The following MAPK4 variants were observed in gnomAD, a reference collection of about 807,000 sequenced individuals.
MAPK4 encodes the protein Erk3-related.
Under a neutral mutation model 47.7 loss-of-function variants are expected in MAPK4, and 22 were observed. The ratio of observed to expected loss-of-function variants is 0.46; its 90% CI spans 0.33 to 0.66. The LOEUF is 0.66. MAPK4 is among the 30% of genes least tolerant of loss of function. MAPK4 has a pLI of 0.02. For synonymous variants in MAPK4, 390 were observed against 365.7 expected (o/e 1.07, Z -0.76); for missense variants, 736 against 831.7 (o/e 0.88, Z 1.42).
rs11356183 is a variant in MAPK4 at position 50,719,083 on chromosome 18, C to CAA, written c.692-2839_692-2838dup. ...TGGGCGACAGAGCAAGACTCCACCTCAAAAAAAAAAAAAAAAAGGTAAAAT... is the reference window on the plus strand; with the variant it reads ...TGGGCGACAGAGCAAGACTCCACCTCAAAAAAAAAAAAAAAAAAAGGTAAAAT... On this transcript the variant is annotated intron_variant, in intron 3 of 5. Coordinates refer to ENST00000400384, the MANE Select transcript of MAPK4 (RefSeq NM_002747.4). Among the ~76,000 whole-genome samples the CAA allele has an allele frequency of 6.9e-3, 856 of 123,992 alleles. 10 individuals are homozygous for CAA. The highest frequency in any genetic ancestry group is 0.02 in the African/African-American group (633 of 31,966). The allele number at this position is 123,992 out of a possible 152,430, so 81.3% of individuals were successfully genotyped here.
intron 2 of MAPK4, among the ~76,000 whole-genome samples, chr18:50,687,695 C>T (rs1203850400): frequency 6.6e-6 from 1 of 151,772 alleles, no homozygotes; most frequent in African/African-American, 2.4e-5. Flanking sequence ...GGTGTGACCT[C>T]GCCTGGCAAC....
intron 2 of MAPK4, among the ~76,000 whole-genome samples, chr18:50,698,985 A>G (rs1467026445): frequency 6.6e-6 from 1 of 152,184 alleles, no homozygotes; most frequent in African/African-American, 2.4e-5. Flanking sequence ...AGATCGTGCC[A>G]CTGCACTCCA....
chr18:50,681,035 A>G (rs1908557097), intron 2 of MAPK4, among the ~76,000 whole-genome samples: 1 of 152,018 alleles, frequency 6.6e-6, no homozygotes, highest in Admixed American at 6.5e-5. Context: ...TCCCACTAGC[A>G]ATGTATAAGG....
rs561968264 is a variant in MAPK4 at position 50,709,607 on chromosome 18, T to C, written c.547-5472T>C. The stretch of plus-strand genomic sequence containing the variant: ...TTGGAGGACTCCAAGTCGGCAGCTC[T>C]GAGTGGTCTGCACATTCACAAGCAC... On this transcript the variant is annotated intron_variant, in intron 2 of 5. Transcript: ENST00000400384. Among the ~76,000 whole-genome samples the C allele has an allele frequency of 2.0e-5, 3 of 152,346 alleles. No individual in the cohort carries two copies. The East Asian group carries it at 5.8e-4, about 29-fold the overall frequency.
chr18:50,666,042 T>C (rs1295543348), intron 2 of MAPK4, among the ~76,000 whole-genome samples: 1 of 152,208 alleles, frequency 6.6e-6, no homozygotes, highest in Non-Finnish European at 1.5e-5. Context: ...AAGACTCTTA[T>C]ATGTGGGATG....
At chr18:50,619,811 A>T (rs1010958805) in intron 1 of MAPK4, among the ~76,000 whole-genome samples, 1 of 152,234 alleles carries the variant, frequency 6.6e-6, no homozygotes, top group African/African-American at 2.4e-5. Flanking sequence ...ACCAAAGCTA[A>T]GCCAAATTGA....
At chr18:50,621,195 TC>T (rs1427711431) in intron 1 of MAPK4, among the ~76,000 whole-genome samples, 1 of 152,154 alleles carries the variant, frequency 6.6e-6, no homozygotes, top group African/African-American at 2.4e-5. Context: ...ATCTTCTGAC[TC>T]CAAAACATAT....
rs115322165 is a variant in MAPK4 at position 50,673,004 on chromosome 18, T to C, written c.546+8500T>C. 9.6e-3 allele frequency among the ~76,000 whole-genome samples: 1,459 copies of C among 152,280 alleles called. 27 individuals carry two copies. The highest frequency in any genetic ancestry group is 0.034 in the African/African-American group (1,401 of 41,558). On this transcript the variant is annotated intron_variant, in intron 2 of 5. Coordinates refer to ENST00000400384, the MANE Select transcript of MAPK4 (RefSeq NM_002747.4). ...ATTAAATGGCTCAAAGTGCTGGGCATAGTGGCTCACGCCTGTAATCCCAAC... is the reference window on the plus strand; with the variant it reads ...ATTAAATGGCTCAAAGTGCTGGGCACAGTGGCTCACGCCTGTAATCCCAAC...
chr18:50,600,135 T>G (rs4432342), intron 1 of MAPK4, among the ~76,000 whole-genome samples: 1 of 152,020 alleles, frequency 6.6e-6, no homozygotes, highest in Admixed American at 6.5e-5. Flanking sequence ...TGTATATGCA[T>G]CTATGCTTCA....
chr18:50,701,152 TA>T lies in MAPK4; in HGVS notation c.547-13924del, dbSNP rs1339582250. On this transcript the variant is annotated intron_variant, in intron 2 of 5. Coordinates refer to ENST00000400384, the MANE Select transcript of MAPK4 (RefSeq NM_002747.4). ...AGAATATGTTTCTGCTTTCCAAGCTTAAATTCTAACAAGACACCCCCACCCC... is the reference window on the plus strand; with the variant it reads ...AGAATATGTTTCTGCTTTCCAAGCTTAATTCTAACAAGACACCCCCACCCC... 9.2e-5 allele frequency among the ~76,000 whole-genome samples: 14 copies of T among 152,196 alleles called. No individual in the cohort carries two copies. In the South Asian group the frequency reaches 2.7e-3, roughly 29 times the overall value.
chr18:50,664,125 C>A lies in MAPK4; in HGVS notation c.167C>A (p.Ala56Asp), dbSNP rs565759866. Reference sequence around the variant, plus strand: ...GTGAAGAAGATTGCCCTGAGCGATGCCCGCAGCATGAAGCACGCGCTCCGA... The same window carrying A: ...GTGAAGAAGATTGCCCTGAGCGATGACCGCAGCATGAAGCACGCGCTCCGA... The part of the protein sequence containing the change: ...VAVKKIALSD[A>D]RSMKHALREI... The change falls in exon 2 of 6, where the codon GCC (alanine) becomes GAC (aspartate). Residue 56 changes from alanine (A) to aspartate (D), a missense_variant. By Grantham distance (126) the Ala-to-Asp change is moderately radical. Transcript: ENST00000400384. The surrounding 1 kb of genome is among the most constrained non-coding windows in gnomAD (Gnocchi z 6.0). 3.1e-6 allele frequency: 5 copies of A among 1,614,128 alleles called. No individual in the cohort carries two copies. In the African/African-American group the frequency reaches 5.3e-5, roughly 17 times the overall value.
intron 1 of MAPK4, among the ~76,000 whole-genome samples, chr18:50,653,678 C>T (rs2043076420): frequency 6.6e-6 from 1 of 152,204 alleles, no homozygotes. Context: ...CTACTGTGCA[C>T]CACGCACTGT....
intron 1 of MAPK4, among the ~76,000 whole-genome samples, chr18:50,575,809 A>C (rs1231134699): frequency 6.6e-6 from 1 of 151,672 alleles, no homozygotes; most frequent in Non-Finnish European, 1.5e-5. Context: ...AAAAAAAAAA[A>C]AAAACCATTA....
At chr18:50,608,109 C>T (rs1402583946) in intron 1 of MAPK4, among the ~76,000 whole-genome samples, 1 of 152,098 alleles carries the variant, frequency 6.6e-6, no homozygotes, top group African/African-American at 2.4e-5. Context: ...CCCTTTTTAC[C>T]TTGCCCGTTG....
chr18:50,619,094 A>T (rs1278647142), intron 1 of MAPK4, among the ~76,000 whole-genome samples: 1 of 152,218 alleles, frequency 6.6e-6, no homozygotes, highest in Non-Finnish European at 1.5e-5. Context: ...TATGTGAAAG[A>T]TCCTTTGTGA....
At chr18:50,699,944 C>T (rs919533974) in intron 2 of MAPK4, among the ~76,000 whole-genome samples, 3 of 152,208 alleles carry the variant, frequency 2.0e-5, no homozygotes, top group African/African-American at 7.2e-5. Flanking sequence ...ACCTTCTTAG[C>T]ACATGGGTAT....
chr18:50,619,090 A>G (rs1262500582), intron 1 of MAPK4, among the ~76,000 whole-genome samples: 3 of 152,246 alleles, frequency 2.0e-5, no homozygotes, highest in African/African-American at 7.2e-5. Flanking sequence ...AAACTATGTG[A>G]AAGATCCTTT....
intron 1 of MAPK4, among the ~76,000 whole-genome samples, chr18:50,604,195 C>T (rs893321): frequency 1 from 151,815 of 152,354 alleles, 75,642 homozygotes; most frequent in East Asian, 1. Context: ...CCTAGGGTAA[C>T]GGTTGATGTT....
intron 2 of MAPK4, among the ~76,000 whole-genome samples, chr18:50,686,767 A>C (rs1446159120): frequency 1.3e-5 from 2 of 152,198 alleles, no homozygotes; most frequent in Admixed American, 6.5e-5. Context: ...TTGCCTCCTT[A>C]AGCTCAACTC....
Sources: allele counts gnomAD v4.1 joint callset (sites outside exome capture counted in the v4.1 genomes callset), GRCh38; gene constraint gnomAD v4.1.1; non-coding constraint Gnocchi (gnomAD v3.1); transcripts MANE v1.5; gene names NCBI Gene and HGNC (gene_info 2026-07-23, HGNC 2026-07-21).